The following C12orf42 variants were observed in gnomAD, a reference collection of about 807,000 sequenced individuals.
C12orf42 encodes uncharacterized protein C12orf42.
Under a neutral mutation model 21.6 loss-of-function variants are expected in C12orf42, and 25 were observed. The observed-to-expected ratio is 1.16, with a 90% CI of 0.84 to 1.62. C12orf42 has a LOEUF of 1.62. C12orf42 is among the 40% of genes most tolerant of loss of function. The pLI is 0.00. For missense variants in C12orf42, 483 were observed against 459.3 expected, an observed-to-expected ratio of 1.05 and a Z score of -0.47; for synonymous variants, 174 against 175.0, an observed-to-expected ratio of 0.99 and a Z score of 0.05.
At chr12:103,435,515 A>T (rs1233402385) in intron 2 of C12orf42, among the ~76,000 whole-genome samples, 4 of 152,186 alleles carry the variant, frequency 2.6e-5, no homozygotes, top group Admixed American at 1.3e-4. Flanking sequence ...AAAATTTAGA[A>T]TAATGTATAA....
At chr12:103,455,986 C>T (rs1952263965) in intron 2 of C12orf42, among the ~76,000 whole-genome samples, 1 of 152,024 alleles carries the variant, frequency 6.6e-6, no homozygotes, top group Admixed American at 6.6e-5. Context: ...TTAAGGGAAG[C>T]AACTTCATTA....
At chr12:103,426,205 G>A (rs1028839399) in intron 2 of C12orf42, among the ~76,000 whole-genome samples, 2 of 152,022 alleles carry the variant, frequency 1.3e-5, no homozygotes, top group Non-Finnish European at 2.9e-5. Flanking sequence ...AGGAAGCTAA[G>A]AACCTTGAAA....
chr12:103,157,650 G>T, the C12orf42 span, among the ~76,000 whole-genome samples: 39 of 152,078 alleles, frequency 2.6e-4, no homozygotes, highest in African/African-American at 9.2e-4. Flanking sequence ...TTTGTATAAC[G>T]TGTAAGGAAC....
the C12orf42 span, among the ~76,000 whole-genome samples, chr12:103,126,996 CA>C: frequency 6.6e-6 from 1 of 152,094 alleles, no homozygotes; most frequent in East Asian, 1.9e-4. Flanking sequence ...GATAAAAATT[CA>C]AATGTGTAAC....
chr12:103,433,218 C>T (rs1197841241), intron 2 of C12orf42, among the ~76,000 whole-genome samples: 1 of 152,214 alleles, frequency 6.6e-6, no homozygotes, highest in African/African-American at 2.4e-5. Context: ...ATTCTTTCTC[C>T]TTCCTTTCCT....
intron 1 of C12orf42, among the ~76,000 whole-genome samples, chr12:103,484,725 T>C (rs1290910285): frequency 6.6e-6 from 1 of 152,168 alleles, no homozygotes; most frequent in Non-Finnish European, 1.5e-5. Context: ...AGTCATGAAG[T>C]CCTTCCCCAT....
chr12:103,560,914 T>C, the C12orf42 span, among the ~76,000 whole-genome samples: 1 of 152,224 alleles, frequency 6.6e-6, no homozygotes, highest in Non-Finnish European at 1.5e-5. Context: ...CAATAGCATA[T>C]CTAGGCGTCA....
At chr12:103,232,542 C>G in the C12orf42 span, among the ~76,000 whole-genome samples, 1 of 151,976 alleles carries the variant, frequency 6.6e-6, no homozygotes, top group African/African-American at 2.4e-5. Flanking sequence ...AATCCCATGT[C>G]TACTAAAAAT....
intron 10 of C12orf42, among the ~76,000 whole-genome samples, chr12:103,242,988 T>C (rs1405680872): frequency 6.6e-6 from 1 of 152,054 alleles, no homozygotes; most frequent in Admixed American, 6.6e-5. Context: ...TACTTGCCAT[T>C]TACTTTAATA....
At chr12:103,445,395 G>A (rs1047823640) in intron 2 of C12orf42, among the ~76,000 whole-genome samples, 3 of 151,530 alleles carry the variant, frequency 2.0e-5, no homozygotes, top group Non-Finnish European at 2.9e-5. Context: ...AATTTGTACT[G>A]GTTCTAATTG....
intron 2 of C12orf42, among the ~76,000 whole-genome samples, chr12:103,458,954 C>CA (rs34767401): frequency 0.2 from 27,604 of 138,390 alleles, 2,926 homozygotes; most frequent in East Asian, 0.36. Flanking sequence ...ATTAAATGTG[C>CA]AAAAAAAAAA....
At chr12:103,498,893 G>A (rs1341522707), upstream of C12orf42, among the ~76,000 whole-genome samples, 1 of 151,758 alleles carries the variant, frequency 6.6e-6, no homozygotes, top group African/African-American at 2.4e-5. Flanking sequence ...GGGGGAGGGA[G>A]GGCATTAGGA....
intron 3 of C12orf42, among the ~76,000 whole-genome samples, chr12:103,387,384 C>A (rs1488035583): frequency 6.6e-6 from 1 of 152,248 alleles, no homozygotes; most frequent in Non-Finnish European, 1.5e-5. Context: ...TACACACACA[C>A]CCTCGTGCAC....
chr12:103,361,476 C>A (rs1166125718), intron 4 of C12orf42, among the ~76,000 whole-genome samples: 1 of 152,032 alleles, frequency 6.6e-6, no homozygotes, highest in East Asian at 1.9e-4. Context: ...GAGAAGGAAA[C>A]CTCCAGCTGA....
At chr12:103,424,542 G>T (rs1351052257) in intron 2 of C12orf42, among the ~76,000 whole-genome samples, 3 of 152,168 alleles carry the variant, frequency 2.0e-5, no homozygotes. Flanking sequence ...AGCAGGGCAG[G>T]GCAACACCTC....
the C12orf42 span, among the ~76,000 whole-genome samples, chr12:103,075,370 A>T: frequency 6.6e-6 from 1 of 152,080 alleles, no homozygotes; most frequent in Non-Finnish European, 1.5e-5. Context: ...TTAGAATTCG[A>T]TGTAGATCAA....
chr12:103,544,092 G>A, the C12orf42 span, among the ~76,000 whole-genome samples: 1 of 151,786 alleles, frequency 6.6e-6, no homozygotes, highest in South Asian at 2.1e-4. Context: ...AGTAGAGACG[G>A]GATTTCACTG....
At chr12:103,460,353 G>A (rs932471368) in intron 2 of C12orf42, among the ~76,000 whole-genome samples, 24 of 152,016 alleles carry the variant, frequency 1.6e-4, no homozygotes, top group Non-Finnish European at 2.9e-4. Flanking sequence ...TCGGCACATG[G>A]TAATTATCAC....
chr12:103,261,922 C>T (rs1566001596), intron 10 of C12orf42, among the ~76,000 whole-genome samples: 1 of 152,124 alleles, frequency 6.6e-6, no homozygotes, highest in Non-Finnish European at 1.5e-5. Context: ...GAGCAAATAG[C>T]TGAGCTGAAG....
Sources: gnomAD v4.1 joint callset for allele counts (sites outside exome capture counted in the v4.1 genomes callset) on GRCh38, gnomAD v4.1.1 for gene constraint, MANE v1.5 for transcripts, NCBI Gene and HGNC (gene_info 2026-07-23, HGNC 2026-07-21) for gene names.